Variants in AGO2 observed in about 807,000 individuals in gnomAD.
The protein encoded by AGO2 is protein argonaute-2.
A neutral mutation model predicts 102.3 loss-of-function variants in AGO2; 5 were observed. The observed-to-expected ratio is 0.05, with a 90% CI of 0.03 to 0.10. The LOEUF is 0.10. AGO2 is among the 10% of genes least tolerant of loss of function. The pLI, the probability that AGO2 is intolerant of heterozygous loss-of-function variation, is 1.00. For synonymous variants in AGO2, 449 were observed against 473.1 expected (o/e 0.95, Z 0.66); for missense variants, 541 against 1,183.7 (o/e 0.46, Z 7.97).
rs940187273 is a variant in AGO2, at chr8:140,635,361, C to T, written c.22+124G>A. 4.9e-5 allele frequency: 30 copies of T among 608,916 alleles called. No homozygotes were observed. In the African/African-American group the frequency reaches 5.3e-4, roughly 11 times the overall value. 37.7% of individuals were successfully genotyped at this position (608,916 alleles called of 1,614,324 possible). A position where few individuals can be genotyped will look rare whatever the true frequency, so the allele number is the denominator to read the frequency against. ...AGCGCGGCCCCGGCTCGCCCGCCCC[C>T]GGCCCCCGCCGCCCCGACCCCGCGG... On this transcript the variant is annotated intron_variant, in intron 1 of 18. Coordinates refer to ENST00000220592, the MANE Select transcript of AGO2 (RefSeq NM_012154.5).
intron 6 of AGO2, among the ~76,000 whole-genome samples, 184 bp downstream of exon 6, chr8:140,559,211 C>A (rs2271735): frequency 0.2 from 31,004 of 152,014 alleles, 3,888 homozygotes; most frequent in East Asian, 0.28. Flanking sequence ...ATTTAGGAAA[C>A]CCCCACTCCC....
At chr8:140,547,125 T>C (rs2072914783) in intron 13 of AGO2, among the ~76,000 whole-genome samples, 1 of 152,186 alleles carries the variant, frequency 6.6e-6, no homozygotes, top group African/African-American at 2.4e-5. Context: ...AGGGCCCTGG[T>C]CCACACGGTA....
chr8:140,629,378 G>GA (rs2074314395), intron 1 of AGO2, among the ~76,000 whole-genome samples: 4 of 145,202 alleles, frequency 2.8e-5, no homozygotes, highest in African/African-American at 9.8e-5. Context: ...CAGGTGGGAA[G>GA]GCAGAAAAGT....
the AGO2 span, among the ~76,000 whole-genome samples, chr8:140,641,112 G>T: frequency 2.6e-5 from 4 of 152,154 alleles, no homozygotes; most frequent in Admixed American, 2.6e-4. Flanking sequence ...GGGCAACAGA[G>T]TGGGACCCTA....
rs968971129 is a variant in AGO2, at chr8:140,557,813, A to C, written c.879-577T>G. Among the ~76,000 whole-genome samples the C allele has an allele frequency of 2.6e-5, 4 of 151,988 alleles. No individual in the cohort carries two copies. The highest frequency in any genetic ancestry group is 9.7e-5 in the African/African-American group (4 of 41,368). On this transcript the variant is annotated intron_variant, in intron 7 of 18. Transcript: ENST00000220592. The surrounding 1 kb of genome is among the most constrained non-coding windows in gnomAD (Gnocchi z 5.9). Reference sequence around the variant, plus strand: ...ACGTGGCTCAGTTTCTACTGCACAGACCCCTTCCCCCAATCCAGACTGCCG... The same window carrying C: ...ACGTGGCTCAGTTTCTACTGCACAGCCCCCTTCCCCCAATCCAGACTGCCG...
At position 140,553,423 on chromosome 8, in the gene AGO2, T is replaced by C. The variant is rs868793266; in HGVS notation, c.1270-1987A>G. On this transcript the variant is annotated intron_variant, in intron 10 of 18. Coordinates refer to ENST00000220592, the MANE Select transcript of AGO2 (RefSeq NM_012154.5). Reference sequence around the variant, plus strand: ...TTTTTTGTTTTTTGTTTTTTTTTTTTTTTGAGACGGAGTTTCGCTCTTGTT... The same window carrying C: ...TTTTTTGTTTTTTGTTTTTTTTTTTCTTTGAGACGGAGTTTCGCTCTTGTT... Among the ~76,000 whole-genome samples the C allele has an allele frequency of 6.7e-3, 1,005 of 151,062 alleles. 14 individuals carry two copies. The highest frequency in any genetic ancestry group is 0.023 in the African/African-American group (956 of 40,982).
At chr8:140,628,127 C>G (rs532029556) in intron 1 of AGO2, among the ~76,000 whole-genome samples, 10 of 152,266 alleles carry the variant, frequency 6.6e-5, no homozygotes, top group East Asian at 3.8e-4. Flanking sequence ...GGGCAGAGAC[C>G]GGAAGAAGCT....
chr8:140,543,887 G>C (rs1235177301), intron 14 of AGO2, among the ~76,000 whole-genome samples: 1 of 152,228 alleles, frequency 6.6e-6, no homozygotes, highest in African/African-American at 2.4e-5. Context: ...TCATGCTGTG[G>C]GGGCACAGGC....
At chr8:140,610,689 G>T (rs2074064477) in intron 1 of AGO2, among the ~76,000 whole-genome samples, 1 of 152,222 alleles carries the variant, frequency 6.6e-6, no homozygotes. Flanking sequence ...GCCTAGGCTG[G>T]TTCCTGAAGG....
rs761584711 is a variant in AGO2 at position 140,567,403 on chromosome 8, C to G, written c.337-4769G>C. ...AGGTGGTCCACACCCGAGACACTGC[C>G]GCCTCTCAACAGCCCAAAGCGCTCG... On this transcript the variant is annotated intron_variant, in intron 3 of 18. Transcript: ENST00000220592. The surrounding 1 kb of genome is among the most constrained non-coding windows in gnomAD (Gnocchi z 5.0). Among the ~76,000 whole-genome samples the G allele has an allele frequency of 5.9e-5, 9 of 152,244 alleles. No individual in the cohort carries two copies. The highest frequency in any genetic ancestry group is 2.2e-4 in the African/African-American group (9 of 41,462).
At chr8:140,535,788 C>T (rs2072685830) in intron 16 of AGO2, among the ~76,000 whole-genome samples, 1 of 152,228 alleles carries the variant, frequency 6.6e-6, no homozygotes, top group African/African-American at 2.4e-5. Context: ...GGTTATTTTC[C>T]GCCAACTCTC....
chr8:140,600,893 C>A (rs1190379928), intron 1 of AGO2, among the ~76,000 whole-genome samples: 1 of 151,882 alleles, frequency 6.6e-6, no homozygotes, highest in Non-Finnish European at 1.5e-5. Context: ...GATCACACCA[C>A]TGCACACCAG....
At chr8:140,537,826 G>GTT (rs1205759913) in intron 16 of AGO2, among the ~76,000 whole-genome samples, 1 of 151,896 alleles carries the variant, frequency 6.6e-6, no homozygotes, top group African/African-American at 2.4e-5. Flanking sequence ...TTTGGGTATT[G>GTT]TTTTTCTTTT....
intron 3 of AGO2, among the ~76,000 whole-genome samples, chr8:140,566,622 G>GT (rs1428368743): frequency 6.7e-6 from 1 of 149,646 alleles, no homozygotes; most frequent in Admixed American, 6.6e-5. Context: ...TTTTTTTGGG[G>GT]GGGGGGAAGG....
chr8:140,541,185 G>A lies in AGO2; in HGVS notation c.2013C>T (p.Val671=). Reference sequence around the variant, plus strand: ...CCACCTGCTGGAACTGGCCTTCAGAGACACCGTCGCGGTAGAAGATGATGC... The same window carrying A: ...CCACCTGCTGGAACTGGCCTTCAGAAACACCGTCGCGGTAGAAGATGATGC... ...PTRIIFYRDG[V]SEGQFQQVLH... is the part of the protein sequence containing the mutation. The change falls in exon 15 of 19, where the codon GTC becomes GTT. Residue 671 remains valine, a synonymous_variant. Coordinates refer to ENST00000220592, the MANE Select transcript of AGO2 (RefSeq NM_012154.5). 1 of 1,570,120 alleles carries A rather than the reference G, an allele frequency of 6.4e-7. No homozygotes were observed. The highest frequency in any genetic ancestry group is 8.6e-7 in the Non-Finnish European group (1 of 1,157,338).
chr8:140,537,582 G>A (rs936826314), intron 16 of AGO2, among the ~76,000 whole-genome samples: 4 of 151,898 alleles, frequency 2.6e-5, no homozygotes, highest in Non-Finnish European at 4.4e-5. Flanking sequence ...GATTACAGGC[G>A]TGAGTCACTA....
intron 1 of AGO2, among the ~76,000 whole-genome samples, chr8:140,628,522 G>A (rs74307135): frequency 9.6e-4 from 146 of 152,352 alleles, no homozygotes; most frequent in East Asian, 6.7e-3. Flanking sequence ...GCTCAACTCT[G>A]TGCTGGGTGT....
chr8:140,542,391 G>A (rs187164286), intron 14 of AGO2, among the ~76,000 whole-genome samples: 10 of 152,168 alleles, frequency 6.6e-5, no homozygotes, highest in East Asian at 5.8e-4. Flanking sequence ...ACTATTCCAC[G>A]TCCTTTGTCC....
intron 3 of AGO2, 144 bp downstream of exon 3, chr8:140,572,668 A>G: frequency 8.4e-7 from 1 of 1,193,540 alleles, no homozygotes; most frequent in Non-Finnish European, 1.1e-6. Context: ...TATGGATCTC[A>G]GGACGAAGCA....
Sources: gnomAD v4.1 joint callset for allele counts (sites outside exome capture counted in the v4.1 genomes callset) on GRCh38, gnomAD v4.1.1 for gene constraint, Gnocchi (gnomAD v3.1) non-coding constraint, MANE v1.5 for transcripts, NCBI Gene and HGNC (gene_info 2026-07-23, HGNC 2026-07-21) for gene names.